CDH13: variants seen among roughly 807,000 people sequenced by gnomAD.
CDH13 encodes the protein cadherin 13.
A neutral mutation model predicts 63.8 loss-of-function variants in CDH13; 24 were observed. That is an observed-to-expected ratio of 0.38 (90% CI 0.27 to 0.53). CDH13 has a LOEUF of 0.53. Among genes scored for constraint, CDH13 ranks in the 20% least tolerant of loss-of-function variants. The probability of loss-of-function intolerance (pLI) is 0.85; values close to 1 mark genes in which losing one functional copy is unlikely to be tolerated. For synonymous variants in CDH13, 503 were observed against 355.3 expected (o/e 1.42, Z -4.67); for missense variants, 1,049 against 903.1 (o/e 1.16, Z -2.07).
intron 4 of CDH13, among the ~76,000 whole-genome samples, chr16:83,168,481 G>A (rs940854460): frequency 4.0e-5 from 6 of 151,872 alleles, no homozygotes; most frequent in Non-Finnish European, 7.4e-5. Context: ...GCTATTTCAT[G>A]AATAGATACA....
chr16:83,517,359 A>G (rs541197213), intron 7 of CDH13, among the ~76,000 whole-genome samples: 1 of 152,378 alleles, frequency 6.6e-6, no homozygotes, highest in South Asian at 2.1e-4. Flanking sequence ...ATAGCGCAAC[A>G]AAGTTTCTTT....
intron 1 of CDH13, among the ~76,000 whole-genome samples, chr16:82,833,519 A>G (rs1455400863): frequency 6.6e-6 from 1 of 152,234 alleles, no homozygotes; most frequent in Non-Finnish European, 1.5e-5. Context: ...TCAAATGCTG[A>G]GTTTGCAAAG....
At chr16:83,485,395 G>A (rs2073862863) in intron 6 of CDH13, among the ~76,000 whole-genome samples, 1 of 152,132 alleles carries the variant, frequency 6.6e-6, no homozygotes, top group South Asian at 2.1e-4. Flanking sequence ...ATCAATCATT[G>A]ACATAATCCA....
intron 5 of CDH13, among the ~76,000 whole-genome samples, chr16:83,332,757 A>G (rs1461023710): frequency 6.6e-6 from 1 of 152,180 alleles, no homozygotes; most frequent in Non-Finnish European, 1.5e-5. Flanking sequence ...ACTTTACTCA[A>G]GCTGCTTACA....
At chr16:82,912,070 C>T (rs1016592321) in intron 2 of CDH13, among the ~76,000 whole-genome samples, 3 of 152,030 alleles carry the variant, frequency 2.0e-5, no homozygotes, top group Admixed American at 6.6e-5. Flanking sequence ...CCGCCCCTGC[C>T]GTCTCTTCAG....
intron 5 of CDH13, among the ~76,000 whole-genome samples, chr16:83,228,251 T>G (rs1567522392): frequency 6.6e-6 from 1 of 152,196 alleles, no homozygotes; most frequent in Admixed American, 6.5e-5. Flanking sequence ...ATCTGGTGGG[T>G]CAGGCATGCT....
Position 83,798,182 on chromosome 16 carries a change from C to T in CDH13, c.*3152C>T, listed in dbSNP as rs1195821033. On this transcript the variant is annotated 3_prime_UTR_variant, in exon 14 of 14. Transcript: ENST00000567109. Reference sequence around the variant, plus strand: ...TGGAACAACCATCTACCATCACACTCATAGAGTAGCTCAAATTGCATTTTA... The same window carrying T: ...TGGAACAACCATCTACCATCACACTTATAGAGTAGCTCAAATTGCATTTTA... The T allele has an allele frequency of 1.3e-5, 2 of 152,208 alleles. No individual in the cohort carries two copies. Among genetic ancestry groups the T allele is most frequent in the Non-Finnish European group, 2.9e-5 (2 of 68,032 alleles). 9.4% of individuals were successfully genotyped at this position (152,208 alleles called of 1,614,324 possible). A position where few individuals can be genotyped will look rare whatever the true frequency, so the allele number is the denominator to read the frequency against.
chr16:82,709,257 T>C (rs982436124), intron 1 of CDH13, among the ~76,000 whole-genome samples: 2 of 152,238 alleles, frequency 1.3e-5, no homozygotes, highest in African/African-American at 4.8e-5. Flanking sequence ...TCAAAAGCTA[T>C]TTTAATCCCA....
At chr16:83,634,117 C>CTG (rs1491184759) in intron 8 of CDH13, among the ~76,000 whole-genome samples, 12,670 of 76,886 alleles carry the variant, frequency 0.16, 664 homozygotes, top group Middle Eastern at 0.28. Context: ...TGTGTGTTTT[C>CTG]TGTGTGTGTG....
chr16:83,243,474 T>C (rs1212508850), intron 5 of CDH13, among the ~76,000 whole-genome samples: 1 of 152,114 alleles, frequency 6.6e-6, no homozygotes, highest in Non-Finnish European at 1.5e-5. Context: ...CTTACCTCTC[T>C]CACCTGGTCT....
rs564284396 is a variant in CDH13 at position 82,669,760 on chromosome 16, C to T, written c.45+42623C>T. Among the ~76,000 whole-genome samples the T allele has an allele frequency of 1.0e-3, 153 of 152,260 alleles. 1 individual carries two copies. Among genetic ancestry groups the T allele is most frequent in the Non-Finnish European group, 1.6e-3 (109 of 68,030 alleles). ...TATAATTGGACGGAACCATTTGCTC[C>T]CCAGTTATCACCCTCTCCAGTGAGA... is the stretch of plus-strand genomic sequence containing the variant. On this transcript the variant is annotated intron_variant, in intron 1 of 13. Coordinates refer to ENST00000567109, the MANE Select transcript of CDH13 (RefSeq NM_001257.5).
intron 1 of CDH13, among the ~76,000 whole-genome samples, chr16:82,804,607 A>T (rs2037052187): frequency 1.3e-5 from 2 of 152,176 alleles, no homozygotes; most frequent in Non-Finnish European, 1.5e-5. Context: ...TGGATTTAAT[A>T]TATGCCTTAT....
intron 1 of CDH13, among the ~76,000 whole-genome samples, chr16:82,807,172 T>A (rs2037188045): frequency 6.6e-6 from 1 of 152,094 alleles, no homozygotes; most frequent in Non-Finnish European, 1.5e-5. Context: ...CAACCAGTGT[T>A]CCAAATGTCA....
At chr16:82,717,814 G>T (rs138780692) in intron 1 of CDH13, among the ~76,000 whole-genome samples, 28 of 152,288 alleles carry the variant, frequency 1.8e-4, no homozygotes, top group Non-Finnish European at 2.4e-4. Flanking sequence ...TTAGGATTTG[G>T]TACCTTTGGG....
At chr16:82,845,514 T>TATTG (rs527870433) in intron 1 of CDH13, among the ~76,000 whole-genome samples, 304 of 152,316 alleles carry the variant, frequency 2.0e-3, no homozygotes, top group Middle Eastern at 3.4e-3. Flanking sequence ...CATCATCCTC[T>TATTG]ATTGGGCTGA....
At chr16:83,669,071 T>C (rs1914264749) in intron 8 of CDH13, among the ~76,000 whole-genome samples, 1 of 152,202 alleles carries the variant, frequency 6.6e-6, no homozygotes, top group Non-Finnish European at 1.5e-5. Flanking sequence ...TCCTAGGCTT[T>C]ACCCCAGAGC....
chr16:83,409,168 C>G (rs1413724041), intron 6 of CDH13, among the ~76,000 whole-genome samples: 1 of 152,144 alleles, frequency 6.6e-6, no homozygotes, highest in African/African-American at 2.4e-5. Context: ...CAGCTGCTTT[C>G]ATGAGAGACT....
intron 5 of CDH13, among the ~76,000 whole-genome samples, chr16:83,285,323 T>C (rs369599872): frequency 6.6e-6 from 1 of 152,214 alleles, no homozygotes; most frequent in East Asian, 1.9e-4. Flanking sequence ...ATTATTTTTG[T>C]CCATTTGAGG....
chr16:82,774,727 G>A (rs912033518), intron 1 of CDH13, among the ~76,000 whole-genome samples: 2 of 152,162 alleles, frequency 1.3e-5, no homozygotes, highest in Non-Finnish European at 2.9e-5. Flanking sequence ...CAGGATAGGT[G>A]AGGCTCTGCT....
Sources: allele counts gnomAD v4.1 joint callset (sites outside exome capture counted in the v4.1 genomes callset), GRCh38; gene constraint gnomAD v4.1.1; transcripts MANE v1.5; gene names NCBI Gene and HGNC (gene_info 2026-07-23, HGNC 2026-07-21).